HS3ST2: variants seen among roughly 807,000 people sequenced by gnomAD.
HS3ST2 encodes heparan sulfate glucosamine 3-O-sulfotransferase 2.
HS3ST2 carries 17 observed loss-of-function variants against 26.3 expected under a neutral mutation model. The observed-to-expected ratio is 0.65, with a 90% CI of 0.44 to 0.97. The LOEUF (loss-of-function observed/expected upper bound fraction) is 0.97. HS3ST2 is among the 50% of genes least tolerant of loss of function. The pLI is 0.00. For synonymous variants in HS3ST2, 237 were observed against 219.2 expected (o/e 1.08, Z -0.72); for missense variants, 402 against 501.2 (o/e 0.80, Z 1.89).
intron 1 of HS3ST2, among the ~76,000 whole-genome samples, chr16:22,823,132 G>T (rs1253395448): frequency 3.9e-5 from 6 of 152,158 alleles, no homozygotes; most frequent in African/African-American, 2.4e-5. Flanking sequence ...TGGAAAACCG[G>T]CAACACTTGC....
intron 1 of HS3ST2, among the ~76,000 whole-genome samples, chr16:22,819,402 G>C (rs554849518): frequency 6.6e-6 from 1 of 152,284 alleles, no homozygotes; most frequent in South Asian, 2.1e-4. Flanking sequence ...AAGTTTGGAT[G>C]TGAAATAGAC....
intron 1 of HS3ST2, among the ~76,000 whole-genome samples, chr16:22,834,780 T>C (rs901444659): frequency 6.6e-6 from 1 of 152,072 alleles, no homozygotes; most frequent in Non-Finnish European, 1.5e-5. Flanking sequence ...AAAGGACTTT[T>C]TTCCACATCC....
At chr16:22,877,999 C>T (rs1383597896) in intron 1 of HS3ST2, among the ~76,000 whole-genome samples, 1 of 152,176 alleles carries the variant, frequency 6.6e-6, no homozygotes, top group Admixed American at 6.5e-5. Flanking sequence ...CTGGGAAGCA[C>T]GTTCTGGACC....
At chr16:22,858,329 G>A (rs1438130960) in intron 1 of HS3ST2, among the ~76,000 whole-genome samples, 1 of 149,832 alleles carries the variant, frequency 6.7e-6, no homozygotes, top group Non-Finnish European at 1.5e-5. Context: ...TCTAGTATGT[G>A]CCCACAAATT....
At chr16:22,816,439 C>T (rs1346605783) in intron 1 of HS3ST2, among the ~76,000 whole-genome samples, 1 of 152,234 alleles carries the variant, frequency 6.6e-6, no homozygotes, top group Non-Finnish European at 1.5e-5. Context: ...CCTGATTTAG[C>T]ACCTTTGCAG....
intron 1 of HS3ST2, among the ~76,000 whole-genome samples, chr16:22,885,333 G>GA (rs11458203): frequency 0.04 from 6,016 of 149,378 alleles, 391 homozygotes; most frequent in African/African-American, 0.14. Context: ...GAGAGGAGGG[G>GA]AAAAAAAAAC....
chr16:22,903,045 G>A (rs963084488), intron 1 of HS3ST2, among the ~76,000 whole-genome samples: 1 of 152,058 alleles, frequency 6.6e-6, no homozygotes, highest in Non-Finnish European at 1.5e-5. Flanking sequence ...TTCTATTCCA[G>A]GGACTTATTT....
At chr16:22,886,440 G>T (rs982782499) in intron 1 of HS3ST2, among the ~76,000 whole-genome samples, 3 of 152,184 alleles carry the variant, frequency 2.0e-5, no homozygotes, top group African/African-American at 7.2e-5. Flanking sequence ...TGTGTGAAGT[G>T]CAGGGATGCT....
At position 22,814,368 on chromosome 16, in the gene HS3ST2, C is replaced by T. The variant is rs1012175552; in HGVS notation, c.-243C>T. ...GCCGCCCGGCTGCCCGGAGCCCCATCGCCTAGGACCGGGAGATGCTGGAAA... is the reference window on the plus strand; with the variant it reads ...GCCGCCCGGCTGCCCGGAGCCCCATTGCCTAGGACCGGGAGATGCTGGAAA... On this transcript the variant is annotated 5_prime_UTR_variant, in exon 1 of 2. Transcript: ENST00000261374. 26 of 410,420 alleles carry T rather than the reference C, an allele frequency of 6.3e-5. No individual in the cohort carries two copies. Among genetic ancestry groups the T allele is most frequent in the African/African-American group, 5.2e-4 (25 of 48,146 alleles). 25.4% of individuals were successfully genotyped at this position (410,420 alleles called of 1,614,324 possible).
At chr16:22,833,554 T>C (rs938097819) in intron 1 of HS3ST2, 11 of 343,696 alleles carry the variant, frequency 3.2e-5, no homozygotes, top group Admixed American at 1.9e-4. Flanking sequence ...CCGGACCTTT[T>C]TGGGGAGTCT....
intron 1 of HS3ST2, among the ~76,000 whole-genome samples, chr16:22,842,062 C>CTTTTTTTTTTTTTTTTTTT (rs11285807): frequency 8.9e-6 from 1 of 111,794 alleles, no homozygotes; most frequent in South Asian, 2.8e-4. Context: ...TCTTTTCTTT[C>CTTTTTTTTTTTTTTTTTTT]TTTTTTTTTT....
chr16:22,814,440 G>A lies in HS3ST2; in HGVS notation c.-171G>A. 6.9e-6 allele frequency: 4 copies of A among 581,566 alleles called. No homozygotes were observed. The highest frequency in any genetic ancestry group is 1.1e-5 in the Non-Finnish European group (4 of 353,526). 36.0% of individuals were successfully genotyped at this position (581,566 alleles called of 1,614,324 possible). A position where few individuals can be genotyped will look rare whatever the true frequency, so the allele number is the denominator to read the frequency against. ...GAGCCGCTGCCCCCGGGACCCCCTG[G>A]CACTGTGCGCACCCTGGTCAGCAGC... On this transcript the variant is annotated 5_prime_UTR_variant, in exon 1 of 2. It introduces an in-frame stop codon into an upstream open reading frame of the 5' UTR. Coordinates refer to ENST00000261374, the MANE Select transcript of HS3ST2 (RefSeq NM_006043.2).
chr16:22,880,227 C>T (rs867614888), intron 1 of HS3ST2, among the ~76,000 whole-genome samples: 5 of 151,910 alleles, frequency 3.3e-5, no homozygotes, highest in Admixed American at 6.6e-5. Flanking sequence ...AAGATGAGCA[C>T]GGGCAACATA....
intron 1 of HS3ST2, among the ~76,000 whole-genome samples, chr16:22,821,227 A>G (rs1214643146): frequency 6.6e-6 from 1 of 152,108 alleles, no homozygotes; most frequent in Non-Finnish European, 1.5e-5. Context: ...GGCCTGCTGT[A>G]CAGAGGCACT....
intron 1 of HS3ST2, among the ~76,000 whole-genome samples, chr16:22,885,058 C>A (rs1902042499): frequency 6.6e-5 from 10 of 152,030 alleles, no homozygotes; most frequent in Admixed American, 5.9e-4. Flanking sequence ...CCAGGCTGGT[C>A]TTGAACTCCT....
chr16:22,853,815 C>T (rs876047), intron 1 of HS3ST2, among the ~76,000 whole-genome samples: 4,705 of 152,144 alleles, frequency 0.031, 230 homozygotes, highest in African/African-American at 0.099. Flanking sequence ...CCCCAGCGTC[C>T]GCAGCCAAAA....
intron 1 of HS3ST2, among the ~76,000 whole-genome samples, chr16:22,836,089 A>G (rs1901249843): frequency 6.6e-6 from 1 of 152,192 alleles, no homozygotes; most frequent in African/African-American, 2.4e-5. Flanking sequence ...AAAATTAGGA[A>G]TGAGAAAGAG....
chr16:22,814,434 C>T lies in HS3ST2; in HGVS notation c.-177C>T, dbSNP rs530776358. 11 of 519,574 alleles carry T rather than the reference C, an allele frequency of 2.1e-5. No individual in the cohort carries two copies. Among genetic ancestry groups the T allele is most frequent in the East Asian group, 1.4e-4 (4 of 28,786 alleles). 32.2% of individuals were successfully genotyped at this position (519,574 alleles called of 1,614,324 possible). On this transcript the variant is annotated 5_prime_UTR_variant, in exon 1 of 2. Transcript: ENST00000261374. ...CCCGAGGAGCCGCTGCCCCCGGGACCCCCTGGCACTGTGCGCACCCTGGTC... is the reference window on the plus strand; with the variant it reads ...CCCGAGGAGCCGCTGCCCCCGGGACTCCCTGGCACTGTGCGCACCCTGGTC...
chr16:22,814,874 G>T lies in HS3ST2; in HGVS notation c.264G>T (p.Ala88=). 1.3e-6 allele frequency: 2 copies of T among 1,556,934 alleles called. No homozygotes were observed. Among genetic ancestry groups the T allele is most frequent in the Non-Finnish European group, 8.7e-7 (1 of 1,151,502 alleles). Reference sequence around the variant, plus strand: ...CCAGCGAGCCCAGCGCTCCCAGCGCGCCCGCCGCCGCCGTGCCCGCCCCTC... The same window carrying T: ...CCAGCGAGCCCAGCGCTCCCAGCGCTCCCGCCGCCGCCGTGCCCGCCCCTC... The part of the protein sequence containing the change: ...PTPSEPSAPS[A]PAAAVPAPRL... Residue 88 remains alanine (A), a synonymous_variant, in exon 1 of 2, where the codon GCG becomes GCT. Coordinates refer to ENST00000261374, the MANE Select transcript of HS3ST2 (RefSeq NM_006043.2).
Sources: gnomAD v4.1 joint callset for allele counts (sites outside exome capture counted in the v4.1 genomes callset) on GRCh38, gnomAD v4.1.1 for gene constraint, MANE v1.5 for transcripts, NCBI Gene and HGNC (gene_info 2026-07-23, HGNC 2026-07-21) for gene names.